GRIK2: variants seen among roughly 807,000 people sequenced by gnomAD.
GRIK2 encodes glutamate receptor ionotropic, kainate 2.
Under a neutral mutation model 100.3 loss-of-function variants are expected in GRIK2, and 32 were observed. That is an observed-to-expected ratio of 0.32 (90% confidence interval 0.24 to 0.43). The LOEUF (loss-of-function observed/expected upper bound fraction) is 0.43. Ranked by LOEUF, GRIK2 falls within the 20% of genes least tolerant of loss-of-function variation. The pLI is 1.00. For missense variants in GRIK2, 843 were observed against 1,114.9 expected (o/e 0.76, Z 3.47); for synonymous variants, 417 against 389.4 (o/e 1.07, Z -0.83).
chr6:101,778,113 T>C (rs963535655), intron 7 of GRIK2, among the ~76,000 whole-genome samples: 2 of 152,174 alleles, frequency 1.3e-5, no homozygotes, highest in Non-Finnish European at 1.5e-5. Context: ...TGTGAGGTAT[T>C]AAAAAGATAG....
At chr6:101,925,227 T>G (rs1485677472) in intron 13 of GRIK2, among the ~76,000 whole-genome samples, 1 of 152,176 alleles carries the variant, frequency 6.6e-6, no homozygotes, top group Non-Finnish European at 1.5e-5. Context: ...AAATATTAGC[T>G]GCATTTGATA....
At chr6:101,755,013 T>C (rs1777037721) in intron 7 of GRIK2, among the ~76,000 whole-genome samples, 1 of 152,104 alleles carries the variant, frequency 6.6e-6, no homozygotes, top group African/African-American at 2.4e-5. Flanking sequence ...TAAAATTAAC[T>C]CTGCTTGAAT....
chr6:101,553,112 AT>A (rs1318781306), intron 2 of GRIK2, among the ~76,000 whole-genome samples: 3 of 152,214 alleles, frequency 2.0e-5, no homozygotes, highest in African/African-American at 7.2e-5. Flanking sequence ...AGAAGCTCAC[AT>A]TTTTAGAAAG....
chr6:101,631,254 G>T (rs1050875777), intron 4 of GRIK2, among the ~76,000 whole-genome samples: 2 of 152,052 alleles, frequency 1.3e-5, no homozygotes, highest in Admixed American at 1.3e-4. Flanking sequence ...CTAAAAATAA[G>T]TTGGCTAGAT....
chr6:102,011,035 C>T (rs138680900), intron 14 of GRIK2, among the ~76,000 whole-genome samples: 1,912 of 152,102 alleles, frequency 0.013, 24 homozygotes, highest in Middle Eastern at 0.051. Context: ...GTTTTCAACT[C>T]GTTAGGGTGA....
chr6:101,489,842 A>G (rs1452091223), intron 2 of GRIK2, among the ~76,000 whole-genome samples: 1 of 146,940 alleles, frequency 6.8e-6, no homozygotes, highest in African/African-American at 2.6e-5. Flanking sequence ...TAGCAGCCTG[A>G]AATAAAATAA....
At chr6:101,667,997 T>C (rs1358671969) in intron 4 of GRIK2, among the ~76,000 whole-genome samples, 1 of 152,136 alleles carries the variant, frequency 6.6e-6, no homozygotes, top group Non-Finnish European at 1.5e-5. Context: ...AGCTAAAATG[T>C]TTTAACATGT....
chr6:101,547,127 G>A (rs542037166), intron 2 of GRIK2, among the ~76,000 whole-genome samples: 1 of 152,054 alleles, frequency 6.6e-6, no homozygotes, highest in African/African-American at 2.4e-5. Context: ...CACCGCGCCC[G>A]GCCGTTTTTG....
intron 14 of GRIK2, among the ~76,000 whole-genome samples, chr6:102,005,456 T>TAA (rs912832318): frequency 2.8e-4 from 42 of 152,076 alleles, no homozygotes; most frequent in Non-Finnish European, 2.2e-4. Flanking sequence ...GATCTATGCC[T>TAA]AAGTGTGATT....
chr6:101,522,661 C>CATAATGAATGA (rs2128281905), intron 2 of GRIK2, among the ~76,000 whole-genome samples: 1 of 152,214 alleles, frequency 6.6e-6, no homozygotes, highest in African/African-American at 2.4e-5. Context: ...CTAAACCTTG[C>CATAATGAATGA]ATAAATGAAA....
chr6:101,473,097 T>TTTCCTTCCTTCCTTCCTTCCTTCCTTCC (rs202063345), intron 2 of GRIK2, among the ~76,000 whole-genome samples: 3 of 133,276 alleles, frequency 2.3e-5, no homozygotes, highest in African/African-American at 8.4e-5. Context: ...AATCCTAGGT[T>TTTCCTTCCTTCCTTCCTTCCTTCCTTCC]TTCCTTCCTT....
chr6:101,799,305 G>GTGTGTGTA lies in GRIK2; in HGVS notation c.952-342_952-341insGTGTGTAT, dbSNP rs10601554. Among the ~76,000 whole-genome samples, 991 of 149,632 alleles carry GTGTGTGTA rather than the reference G, an allele frequency of 6.6e-3. 5 individuals carry two copies. The highest frequency in any genetic ancestry group is 9.5e-3 in the Non-Finnish European group (637 of 67,240). The stretch of plus-strand genomic sequence containing the variant: ...TGTGTGTGTGTGTGTGTGTGTGTGT[G>GTGTGTGTA]TATAAGTGAGACAGAGTAAGAATCA... On this transcript the variant is annotated intron_variant, in intron 7 of 16. Transcript: ENST00000369134.
intron 14 of GRIK2, among the ~76,000 whole-genome samples, chr6:101,970,324 C>A (rs887933803): frequency 6.6e-6 from 1 of 151,640 alleles, no homozygotes; most frequent in South Asian, 2.1e-4. Flanking sequence ...ATGGTTCTTG[C>A]CATCACCCAG....
At chr6:102,031,649 T>C (rs371626677) in intron 14 of GRIK2, among the ~76,000 whole-genome samples, 24 of 151,300 alleles carry the variant, frequency 1.6e-4, no homozygotes, top group African/African-American at 5.6e-4. Context: ...CCCGTGTCTA[T>C]TGTTGCTATC....
intron 14 of GRIK2, among the ~76,000 whole-genome samples, chr6:102,015,103 AT>A (rs1163339682): frequency 6.6e-6 from 1 of 152,084 alleles, no homozygotes; most frequent in Non-Finnish European, 1.5e-5. Flanking sequence ...CAAAAACTTG[AT>A]TTAGGAATCT....
chr6:101,970,117 G>T (rs141623428), intron 14 of GRIK2, among the ~76,000 whole-genome samples: 1 of 151,794 alleles, frequency 6.6e-6, no homozygotes, highest in Non-Finnish European at 1.5e-5. Flanking sequence ...TATACACAGA[G>T]ATTTTCCTCA....
chr6:101,410,762 C>T (rs911158267), intron 2 of GRIK2, among the ~76,000 whole-genome samples: 1 of 152,046 alleles, frequency 6.6e-6, no homozygotes, highest in Admixed American at 6.6e-5. Context: ...TATTACAAGC[C>T]TGCACATGTA....
chr6:101,976,267 T>G (rs1793373029), intron 14 of GRIK2, among the ~76,000 whole-genome samples: 1 of 151,972 alleles, frequency 6.6e-6, no homozygotes. Context: ...GTAATATATT[T>G]TTCTCAGTGG....
chr6:101,468,118 G>A (rs1771753863), intron 2 of GRIK2, among the ~76,000 whole-genome samples: 1 of 152,128 alleles, frequency 6.6e-6, no homozygotes. Context: ...CATCCAGCCA[G>A]ATGTCTTTTG....
Sources: gnomAD v4.1 joint callset for allele counts (sites outside exome capture counted in the v4.1 genomes callset) on GRCh38, gnomAD v4.1.1 for gene constraint, MANE v1.5 for transcripts, NCBI Gene and HGNC (gene_info 2026-07-23, HGNC 2026-07-21) for gene names.